CUX2: variants seen among roughly 807,000 people sequenced by gnomAD.
The protein encoded by CUX2 is cut like homeobox 2.
CUX2 carries 40 observed loss-of-function variants against 144.8 expected under a neutral mutation model. The ratio of observed to expected loss-of-function variants is 0.28; its 90% CI spans 0.21 to 0.36. The LOEUF is 0.36. Among genes scored for constraint, CUX2 ranks in the 10% least tolerant of loss-of-function variants. The pLI is 1.00. For missense variants in CUX2, 1,615 were observed against 1,994.0 expected (o/e 0.81, Z 3.62); for synonymous variants, 827 against 875.6 (o/e 0.94, Z 0.98).
At chr12:111,306,186 G>T (rs1412908002) in intron 10 of CUX2, among the ~76,000 whole-genome samples, 1 of 152,136 alleles carries the variant, frequency 6.6e-6, no homozygotes, top group African/African-American at 2.4e-5. Flanking sequence ...TGCTGGTTTG[G>T]GGGGTGTGCT....
chr12:111,243,730 C>G (rs1883144169), intron 3 of CUX2, among the ~76,000 whole-genome samples: 1 of 151,848 alleles, frequency 6.6e-6, no homozygotes, highest in Non-Finnish European at 1.5e-5. Flanking sequence ...TGAGGGGTTC[C>G]CGGCAAGCAG....
At chr12:111,102,573 G>T (rs1873322062) in intron 1 of CUX2, among the ~76,000 whole-genome samples, 1 of 152,190 alleles carries the variant, frequency 6.6e-6, no homozygotes, top group Non-Finnish European at 1.5e-5. Context: ...CCTCTGCCTG[G>T]GCCAGGCCTT....
At chr12:111,073,131 A>G (rs1284870849) in intron 1 of CUX2, among the ~76,000 whole-genome samples, 1 of 152,196 alleles carries the variant, frequency 6.6e-6, no homozygotes, top group Admixed American at 6.5e-5. Flanking sequence ...CAAATTAAGA[A>G]CTAGAAAATC....
At chr12:111,335,769 C>T (rs1242036726) in intron 19 of CUX2, among the ~76,000 whole-genome samples, 1 of 152,106 alleles carries the variant, frequency 6.6e-6, no homozygotes, top group Non-Finnish European at 1.5e-5. Context: ...AAACAAACTT[C>T]ACACATTGTG....
chr12:111,263,989 G>A lies in CUX2; in HGVS notation c.301+150G>A. 1.4e-6 allele frequency: 1 copy of A among 697,308 alleles called. No homozygotes were observed. The allele number at this position is 697,308 out of a possible 1,614,324, so 43.2% of individuals were successfully genotyped here. A position where few individuals can be genotyped will look rare whatever the true frequency, so the allele number is the denominator to read the frequency against. On this transcript the variant is annotated intron_variant, in intron 4 of 21. Coordinates refer to ENST00000261726, the MANE Select transcript of CUX2 (RefSeq NM_015267.4). This position sits in a 1 kb window ranked among gnomAD's most constrained non-coding sequence, Gnocchi z 4.0. ...TCTGTATAGGGCAGGGGGAGCTGTGGCCAGTCTGGTGTGACATGTCCCCCC... is the reference window on the plus strand; with the variant it reads ...TCTGTATAGGGCAGGGGGAGCTGTGACCAGTCTGGTGTGACATGTCCCCCC...
intron 3 of CUX2, among the ~76,000 whole-genome samples, chr12:111,257,104 G>A (rs971857714): frequency 6.6e-6 from 1 of 152,084 alleles, no homozygotes; most frequent in African/African-American, 2.4e-5. Flanking sequence ...ATCACAGTGG[G>A]CTGCGTAAAT....
chr12:111,196,551 C>A (rs1450964451), intron 1 of CUX2, among the ~76,000 whole-genome samples: 1 of 152,120 alleles, frequency 6.6e-6, no homozygotes, highest in East Asian at 1.9e-4. Context: ...GCTGGGAATT[C>A]TGGGAGCCAC....
intron 1 of CUX2, among the ~76,000 whole-genome samples, chr12:111,179,593 G>GGTT (rs150316221): frequency 1.3e-3 from 194 of 151,382 alleles, no homozygotes; most frequent in Admixed American, 3.3e-3. Context: ...CCATCGCCGT[G>GGTT]GTTGTTGTTG....
intron 1 of CUX2, among the ~76,000 whole-genome samples, chr12:111,159,209 C>T (rs963178102): frequency 2.6e-5 from 4 of 152,268 alleles, no homozygotes; most frequent in Non-Finnish European, 4.4e-5. Context: ...TGCGGTGGCG[C>T]GATCGTAGCT....
chr12:111,262,104 C>T (rs567670995), intron 3 of CUX2, among the ~76,000 whole-genome samples: 3 of 152,238 alleles, frequency 2.0e-5, no homozygotes, highest in Admixed American at 1.3e-4. Flanking sequence ...CCACCCTGTG[C>T]TTTTCTGCCA....
chr12:111,132,792 T>C (rs985254054), intron 1 of CUX2, among the ~76,000 whole-genome samples: 24 of 152,046 alleles, frequency 1.6e-4, no homozygotes, highest in Non-Finnish European at 2.5e-4. Context: ...GGTCTCAAAC[T>C]CCTGACCTCA....
chr12:111,284,975 G>T (rs1330809879), intron 4 of CUX2, among the ~76,000 whole-genome samples: 1 of 152,132 alleles, frequency 6.6e-6, no homozygotes, highest in Non-Finnish European at 1.5e-5. Context: ...AGGCTGCCCT[G>T]CACCAGCCCT....
intron 1 of CUX2, among the ~76,000 whole-genome samples, chr12:111,169,974 A>T (rs1878415833): frequency 6.6e-6 from 1 of 152,122 alleles, no homozygotes; most frequent in Admixed American, 6.5e-5. Context: ...CTGTGGATGG[A>T]AGCAAATTCC....
In CUX2 at chr12:111,263,625, A is replaced by AAAAAC. The variant is rs766866652; in HGVS notation, c.223-106_223-102dup. On this transcript the variant is annotated intron_variant, in intron 3 of 21. Coordinates refer to ENST00000261726, the MANE Select transcript of CUX2 (RefSeq NM_015267.4). The surrounding 1 kb of genome is among the most constrained non-coding windows in gnomAD (Gnocchi z 4.0). ...GGGCGACAGAGCAAGACTCTCTCTC[A>AAAAAC]AAAACAAAACAAAACAAAACAAAAC... The AAAAAC allele has an allele frequency of 3.4e-3, 2,621 of 765,710 alleles. 18 individuals are homozygous for AAAAAC. The highest frequency in any genetic ancestry group is 0.014 in the African/African-American group (771 of 53,668). 47.4% of individuals were successfully genotyped at this position (765,710 alleles called of 1,614,324 possible).
intron 3 of CUX2, among the ~76,000 whole-genome samples, chr12:111,257,396 C>T (rs1183737642): frequency 3.3e-5 from 2 of 59,860 alleles, no homozygotes; most frequent in African/African-American, 1.4e-4. Flanking sequence ...CCTCCCACTT[C>T]TTCCTCCCCC....
intron 1 of CUX2, among the ~76,000 whole-genome samples, chr12:111,145,560 C>T (rs1405606709): frequency 6.6e-6 from 1 of 152,106 alleles, no homozygotes; most frequent in African/African-American, 2.4e-5. Flanking sequence ...AGATGGCGGT[C>T]TCCCTATCTG....
chr12:111,230,287 A>C (rs1156554416), intron 3 of CUX2, among the ~76,000 whole-genome samples: 1 of 152,152 alleles, frequency 6.6e-6, no homozygotes, highest in Non-Finnish European at 1.5e-5. Context: ...TGGGACTCAC[A>C]GGTGAGTTCC....
chr12:111,258,180 A>G (rs1334316801), intron 3 of CUX2, among the ~76,000 whole-genome samples: 1 of 152,176 alleles, frequency 6.6e-6, no homozygotes, highest in Non-Finnish European at 1.5e-5. Context: ...AGAGATGCTC[A>G]TAGTGACATT....
At chr12:111,166,193 C>A (rs773772894) in intron 1 of CUX2, among the ~76,000 whole-genome samples, 1 of 152,088 alleles carries the variant, frequency 6.6e-6, no homozygotes, top group East Asian at 1.9e-4. Context: ...TAACTTTTTT[C>A]ATTTTTTTGT....
Sources: allele counts gnomAD v4.1 joint callset (sites outside exome capture counted in the v4.1 genomes callset), GRCh38; gene constraint gnomAD v4.1.1; non-coding constraint Gnocchi (gnomAD v3.1); transcripts MANE v1.5; gene names NCBI Gene and HGNC (gene_info 2026-07-23, HGNC 2026-07-21).